Variants in CEP170B observed in about 807,000 individuals in gnomAD.
CEP170B encodes centrosomal protein of 170 kDa protein B.
In CEP170B, 55 loss-of-function variants were observed where a neutral mutation model predicts 120.6. That is an observed-to-expected ratio of 0.46 (90% CI 0.37 to 0.57). CEP170B has a LOEUF of 0.57. CEP170B is among the 20% of genes least tolerant of loss of function. The pLI, the probability that CEP170B is intolerant of heterozygous loss-of-function variation, is 0.00. For missense variants in CEP170B, 2,212 were observed against 2,253.3 expected (o/e 0.98, Z 0.37); for synonymous variants, 1,033 against 954.5 (o/e 1.08, Z -1.52).
Position 104,867,837 on chromosome 14 carries a change from C to A in CEP170B, c.-27-587C>A, listed in dbSNP as rs565698390. On this transcript the variant is annotated intron_variant, in intron 1 of 18. Transcript: ENST00000414716. This position sits in a 1 kb window ranked among gnomAD's most constrained non-coding sequence, Gnocchi z 5.4. ...ATGCCCACCAAAGGACATTTGGCCT[C>A]CTCTCGGTGGTGGACATATTGCTGA... Among the ~76,000 whole-genome samples, 41 of 152,254 alleles carry A rather than the reference C, an allele frequency of 2.7e-4. No individual in the cohort carries two copies. The highest frequency in any genetic ancestry group is 8.2e-4 in the African/African-American group (34 of 41,546).
Position 104,870,575 on chromosome 14 carries a change from G to A in CEP170B, c.105+2020G>A, listed in dbSNP as rs1251057564. On this transcript the variant is annotated intron_variant, in intron 2 of 18. Coordinates refer to ENST00000414716, the MANE Select transcript of CEP170B (RefSeq NM_001112726.3). This position sits in a 1 kb window ranked among gnomAD's most constrained non-coding sequence, Gnocchi z 4.1. Reference sequence around the variant, plus strand: ...GTCAGCCTGCAGGCAGGGGACTGGTGTGGGTGCTCTTCCTGCCCCACCCCT... The same window carrying A: ...GTCAGCCTGCAGGCAGGGGACTGGTATGGGTGCTCTTCCTGCCCCACCCCT... Among the ~76,000 whole-genome samples the A allele has an allele frequency of 6.6e-6, 1 of 152,162 alleles. No homozygotes were observed. Among genetic ancestry groups the A allele is most frequent in the Non-Finnish European group, 1.5e-5 (1 of 68,014 alleles).
intron 2 of CEP170B, among the ~76,000 whole-genome samples, chr14:104,872,813 C>G (rs1209810621): frequency 6.6e-6 from 1 of 152,174 alleles, no homozygotes; most frequent in Non-Finnish European, 1.5e-5. Context: ...CTGGGCCAGG[C>G]TGTTGCCCCA....
At chr14:104,869,116 C>A (rs1023702098) in intron 2 of CEP170B, among the ~76,000 whole-genome samples, 5 of 152,188 alleles carry the variant, frequency 3.3e-5, no homozygotes, top group Non-Finnish European at 5.9e-5. Flanking sequence ...GTTTCTCTGG[C>A]CCTGGTTTGA....
In CEP170B at chr14:104,896,679, G is replaced by T; in HGVS notation, c.*1721G>T. On this transcript the variant is annotated 3_prime_UTR_variant, in exon 19 of 19. Transcript: ENST00000414716. ...TCAGGTGGTCTTGTGGCTGTCTTTC[G>T]GAAAATGGTTATTTTATATGATTTG... 1 of 455,916 alleles carries T rather than the reference G, an allele frequency of 2.2e-6. No homozygotes were observed. The highest frequency in any genetic ancestry group is 4.4e-6 in the Non-Finnish European group (1 of 226,852). 28.2% of individuals were successfully genotyped at this position (455,916 alleles called of 1,614,324 possible). A position where few individuals can be genotyped will look rare whatever the true frequency, so the allele number is the denominator to read the frequency against.
In CEP170B at chr14:104,883,888, C is replaced by T. The variant is rs866401586; in HGVS notation, c.1109C>T (p.Ala370Val). 6.3e-7 allele frequency: 1 copy of T among 1,583,310 alleles called. No homozygotes were observed. Among genetic ancestry groups the T allele is most frequent in the East Asian group, 2.3e-5 (1 of 43,426 alleles). Residue 370 changes from alanine (A) to valine (V), a missense_variant, in exon 9 of 19, where the codon GCC becomes GTC. By Grantham distance (64) the Ala-to-Val change is moderately conservative. Around this residue, in one of 2 missense-constraint regions of CEP170B, gnomAD observed 2,166 missense variants for 2,166.7 expected, o/e 1.00. Coordinates refer to ENST00000414716, the MANE Select transcript of CEP170B (RefSeq NM_001112726.3). ...SDSEDPLAKAASAAGVPLEAS... is the reference protein window; with the variant it reads ...SDSEDPLAKAVSAAGVPLEAS... ...TCAGAGGACCCCCTGGCCAAGGCGG[C>T]CTCGGCCGCTGGGGTGCCCTTGGAG... is the stretch of plus-strand genomic sequence containing the variant.
In CEP170B at chr14:104,893,629, C is replaced by G; in HGVS notation, c.4145C>G (p.Ala1382Gly). The G allele has an allele frequency of 6.3e-7, 1 of 1,596,318 alleles. No individual in the cohort carries two copies. Among genetic ancestry groups the G allele is most frequent in the Non-Finnish European group, 8.5e-7 (1 of 1,172,648 alleles). The change falls in exon 15 of 19, where the codon GCC (alanine) becomes GGC (glycine). Residue 1382 changes from alanine to glycine, a missense_variant. Physicochemically the swap from Ala to Gly is moderately conservative, Grantham distance 60. Coordinates refer to ENST00000414716, the MANE Select transcript of CEP170B (RefSeq NM_001112726.3). ...DQNMNDSCED[A>G]LANKTRPRNR... ...AACATGAACGACAGCTGTGAGGACG[C>G]CCTGGCCAACAAGACGCGGCCTCGG...
chr14:104,881,343 G>T (rs1292392651), intron 6 of CEP170B, among the ~76,000 whole-genome samples: 2 of 152,258 alleles, frequency 1.3e-5, no homozygotes, highest in South Asian at 2.1e-4. Context: ...TTAGACAGGG[G>T]TGTATCCGGG....
chr14:104,868,670 T>C lies in CEP170B; in HGVS notation c.105+115T>C, dbSNP rs1259670929. On this transcript the variant is annotated intron_variant, in intron 2 of 18. Coordinates refer to ENST00000414716, the MANE Select transcript of CEP170B (RefSeq NM_001112726.3). The surrounding 1 kb of genome is among the most constrained non-coding windows in gnomAD (Gnocchi z 5.9). ...GGCCACCCTGGCGAGGAGGCCGCCA[T>C]GCAGCCCAGGCTGGGCCTCTTAACT... 3.0e-6 allele frequency: 3 copies of C among 1,010,978 alleles called. No individual in the cohort carries two copies. The African/African-American group carries it at 4.8e-5, about 16-fold the overall frequency. 62.6% of individuals were successfully genotyped at this position (1,010,978 alleles called of 1,614,324 possible).
rs1895249677 is a variant in CEP170B at position 104,867,222 on chromosome 14, C to T, written c.-27-1202C>T. Reference sequence around the variant, plus strand: ...GGGGTATGTGAGGCCCTCCATCCCTCTGCCCTGTCCCTCTGCCCTGGTGGC... The same window carrying T: ...GGGGTATGTGAGGCCCTCCATCCCTTTGCCCTGTCCCTCTGCCCTGGTGGC... On this transcript the variant is annotated intron_variant, in intron 1 of 18. Coordinates refer to ENST00000414716, the MANE Select transcript of CEP170B (RefSeq NM_001112726.3). The surrounding 1 kb of genome is among the most constrained non-coding windows in gnomAD (Gnocchi z 5.4). Among the ~76,000 whole-genome samples, 1 of 152,150 alleles carries T rather than the reference C, an allele frequency of 6.6e-6. No homozygotes were observed. The highest frequency in any genetic ancestry group is 1.5e-5 in the Non-Finnish European group (1 of 68,030).
chr14:104,883,713 C>A, intron 8 of CEP170B, 118 bp from the exon 9 acceptor site: 2 of 1,157,226 alleles, frequency 1.7e-6, no homozygotes, highest in South Asian at 1.6e-5. Context: ...GTGGGGGGGC[C>A]CTGAGGGCTG....
chr14:104,887,248 C>A lies in CEP170B; in HGVS notation c.3009C>A (p.Ala1003=), dbSNP rs773219009. ...QDPGGTALVS[A]REQSSERQHH... ...CGGGAGGCACCGCCCTGGTCAGTGC[C>A]CGTGAGCAGTCCTCAGAGAGGCAGC... The change falls in exon 12 of 19, where the codon GCC becomes GCA. Residue 1003 remains alanine, a synonymous_variant. Transcript: ENST00000414716. The A allele has an allele frequency of 8.7e-6, 14 of 1,606,942 alleles. No homozygotes were observed. The East Asian group carries it at 2.7e-4, about 31-fold the overall frequency.
Position 104,883,101 on chromosome 14 carries a change from A to G in CEP170B, c.644A>G (p.Gln215Arg). 6.3e-7 allele frequency: 1 copy of G among 1,583,444 alleles called. No individual in the cohort carries two copies. Among genetic ancestry groups the G allele is most frequent in the Non-Finnish European group, 8.6e-7 (1 of 1,168,016 alleles). The change falls in exon 8 of 19, where the codon CAG becomes CGG. Residue 215 changes from glutamine (Q) to arginine (R), a missense_variant. Transcript: ENST00000414716. ...LHGFRAPAEP[Q>R]GCSFRREPSY... The stretch of plus-strand genomic sequence containing the variant: ...GGCTTCCGCGCCCCTGCTGAGCCTC[A>G]GGGCTGCTCGTTCCGGCGGGAGCCC...
intron 11 of CEP170B, 30 bp downstream of exon 11, chr14:104,886,160 G>A (rs753025540): frequency 6.7e-6 from 10 of 1,503,446 alleles, no homozygotes; most frequent in East Asian, 4.9e-5. Flanking sequence ...CGGGGGAGTC[G>A]GGCCAGGCCG....
At chr14:104,872,395 G>GC (rs1895592205) in intron 2 of CEP170B, among the ~76,000 whole-genome samples, 3 of 107,418 alleles carry the variant, frequency 2.8e-5, no homozygotes, top group South Asian at 7.9e-4. Flanking sequence ...TGTGTGCCGT[G>GC]GGTGTGCGTG....
chr14:104,876,391 T>G, intron 3 of CEP170B, 46 bp downstream of exon 3: 13 of 1,527,790 alleles, frequency 8.5e-6, no homozygotes, highest in Non-Finnish European at 1.1e-5. Flanking sequence ...GCTCGACCCT[T>G]CAGCCCTGGC....
At chr14:104,872,568 C>A (rs1895632287) in intron 2 of CEP170B, among the ~76,000 whole-genome samples, 1 of 152,002 alleles carries the variant, frequency 6.6e-6, no homozygotes, top group Middle Eastern at 3.4e-3. Flanking sequence ...GTGTTGTGTG[C>A]ATGTGTGTGC....
At chr14:104,885,595 A>T (rs2140707954) in intron 10 of CEP170B, 53 bp downstream of exon 10, 1 of 1,511,116 alleles carries the variant, frequency 6.6e-7, no homozygotes, top group East Asian at 2.5e-5. Flanking sequence ...AGAGGGCAGC[A>T]TCCAAGCCGG....
At chr14:104,882,258 C>T (rs775151447) in intron 6 of CEP170B, among the ~76,000 whole-genome samples, 1 of 152,228 alleles carries the variant, frequency 6.6e-6, no homozygotes, top group Non-Finnish European at 1.5e-5. Context: ...CCCCCAGGGC[C>T]ACCCATTTGT....
chr14:104,887,064 C>T lies in CEP170B; in HGVS notation c.2825C>T (p.Thr942Ile). 1.9e-6 allele frequency: 3 copies of T among 1,611,470 alleles called. No individual in the cohort carries two copies. In the East Asian group the frequency reaches 6.7e-5, roughly 36 times the overall value. ...SVDAECEGGS[T>I]PRPPEDALSG... The stretch of plus-strand genomic sequence containing the variant: ...GATGCCGAGTGTGAGGGGGGCAGCA[C>T]CCCGAGGCCGCCGGAGGACGCCCTG... The change falls in exon 12 of 19, where the codon ACC becomes ATC. Residue 942 changes from threonine to isoleucine, a missense_variant. Thr to Ile is a moderately conservative substitution (Grantham distance 89). Around this residue, in one of 2 missense-constraint regions of CEP170B, gnomAD observed 2,166 missense variants for 2,166.7 expected, o/e 1.00. Transcript: ENST00000414716.
Sources: allele counts gnomAD v4.1 joint callset (sites outside exome capture counted in the v4.1 genomes callset), GRCh38; gene constraint gnomAD v4.1.1; regional missense constraint gnomAD v4.1.1; non-coding constraint Gnocchi (gnomAD v3.1); transcripts MANE v1.5; gene names NCBI Gene and HGNC (gene_info 2026-07-23, HGNC 2026-07-21).